ITGA1: variants seen among roughly 807,000 people sequenced by gnomAD.
The protein encoded by ITGA1 is integrin alpha-1.
ITGA1 carries 85 observed loss-of-function variants against 145.9 expected under a neutral mutation model. The observed-to-expected ratio is 0.58, with a 90% CI of 0.49 to 0.70. ITGA1 has a LOEUF of 0.70. Ranked by LOEUF, ITGA1 falls within the 30% of genes least tolerant of loss-of-function variation. ITGA1 has a pLI of 0.00. For missense variants in ITGA1, 1,351 were observed against 1,418.7 expected (o/e 0.95, Z 0.77); for synonymous variants, 520 against 495.3 (o/e 1.05, Z -0.66).
intron 9 of ITGA1, 57 bp from the exon 10 acceptor site, chr5:52,897,398 A>G: frequency 8.8e-7 from 1 of 1,133,068 alleles, no homozygotes; most frequent in Non-Finnish European, 1.3e-6. Flanking sequence ...TCTGCAAGTC[A>G]GTAGTGCATG....
intron 5 of ITGA1, 36 bp from the exon 6 acceptor site, chr5:52,865,654 G>C: frequency 7.1e-7 from 1 of 1,407,928 alleles, no homozygotes; most frequent in East Asian, 2.8e-5. Context: ...GAAAAAAATA[G>C]ATTCCAAATT....
chr5:52,888,580 G>A (rs1750091807), intron 8 of ITGA1, among the ~76,000 whole-genome samples: 1 of 152,178 alleles, frequency 6.6e-6, no homozygotes, highest in Admixed American at 6.5e-5. Context: ...GTTTTCTGAT[G>A]CAATTTATAA....
intron 16 of ITGA1, 138 bp downstream of exon 16, chr5:52,919,036 C>A: frequency 1.4e-6 from 1 of 701,408 alleles, no homozygotes; most frequent in Non-Finnish European, 2.2e-6. Flanking sequence ...AGATGCAGAA[C>A]CTTGAAAAAA....
At chr5:52,912,711 AGTGTGTGTGTGTGTGTGT>A (rs67318879) in intron 14 of ITGA1, among the ~76,000 whole-genome samples, 1 of 132,370 alleles carries the variant, frequency 7.6e-6, no homozygotes, top group Non-Finnish European at 1.6e-5. Flanking sequence ...CTATATATAT[AGTGTGTGTGTGTGTGTGT>A]GTGTGTGTGT....
intron 11 of ITGA1, among the ~76,000 whole-genome samples, chr5:52,901,430 G>T (rs1750312761): frequency 6.6e-6 from 1 of 152,170 alleles, no homozygotes; most frequent in South Asian, 2.1e-4. Flanking sequence ...TACAGCAGCA[G>T]TAGAAAACTC....
intron 1 of ITGA1, among the ~76,000 whole-genome samples, chr5:52,804,711 G>C (rs1407034690): frequency 6.6e-6 from 1 of 152,076 alleles, no homozygotes; most frequent in Non-Finnish European, 1.5e-5. Flanking sequence ...CATATGAAAC[G>C]GTCTGTACAT....
intron 6 of ITGA1, among the ~76,000 whole-genome samples, chr5:52,867,447 T>C (rs1749705484): frequency 6.6e-6 from 1 of 152,184 alleles, no homozygotes; most frequent in South Asian, 2.1e-4. Flanking sequence ...AGTGACTTAT[T>C]TGCAATTGAC....
intron 15 of ITGA1, 113 bp from the exon 16 acceptor site, chr5:52,918,619 C>T (rs1484633886): frequency 1.1e-6 from 1 of 898,248 alleles, no homozygotes; most frequent in African/African-American, 1.7e-5. Context: ...GTCCTGAGCG[C>T]TGTATTATAC....
At chr5:52,937,812 A>T (rs1484326382) in intron 24 of ITGA1, among the ~76,000 whole-genome samples, 1 of 151,816 alleles carries the variant, frequency 6.6e-6, no homozygotes, top group Non-Finnish European at 1.5e-5. Context: ...TCCAAGAGAG[A>T]CTCTTTCTCA....
At position 52,865,096 on chromosome 5, in the gene ITGA1, G is replaced by A. The variant is rs1191003764; in HGVS notation, c.496+14G>A. 6 of 1,569,478 alleles carry A rather than the reference G, an allele frequency of 3.8e-6. No individual in the cohort carries two copies. The highest frequency in any genetic ancestry group is 2.2e-5 in the East Asian group (1 of 44,660). On this transcript the variant is annotated intron_variant, in intron 5 of 28. Transcript: ENST00000282588. ...CCCCTGTACAAGGTACAGATTTTAT[G>A]CAATGTTCTTGCATGTTTGAAAAGC...
At chr5:52,874,775 GA>G in intron 6 of ITGA1, among the ~76,000 whole-genome samples, 1 of 152,252 alleles carries the variant, frequency 6.6e-6, no homozygotes, top group South Asian at 2.1e-4. Flanking sequence ...TTCCAATTTA[GA>G]AATGAGGTAA....
intron 1 of ITGA1, among the ~76,000 whole-genome samples, chr5:52,822,952 T>C (rs370462745): frequency 6.6e-6 from 1 of 152,306 alleles, no homozygotes; most frequent in East Asian, 1.9e-4. Flanking sequence ...GGACACTGTC[T>C]CATTAGATGG....
chr5:52,927,086 T>C (rs1264256271), intron 19 of ITGA1, among the ~76,000 whole-genome samples: 1 of 152,184 alleles, frequency 6.6e-6, no homozygotes, highest in Non-Finnish European at 1.5e-5. Flanking sequence ...ATAGAGTATA[T>C]GACTAAACCA....
At chr5:52,841,444 T>G (rs1030713435) in intron 1 of ITGA1, among the ~76,000 whole-genome samples, 1 of 152,192 alleles carries the variant, frequency 6.6e-6, no homozygotes, top group African/African-American at 2.4e-5. Context: ...CTTCTCAAGG[T>G]TATGGTGCTA....
rs1561229758 is a variant in ITGA1, at chr5:52,861,427, C to A, written c.183-20C>A. ...GTTTCTCAATGTTCAAAAATGTTTA[C>A]TGATTTATTTAACTTCCAGGGTGCT... is the stretch of plus-strand genomic sequence containing the variant. On this transcript the variant is annotated intron_variant, in intron 2 of 28. Coordinates refer to ENST00000282588, the MANE Select transcript of ITGA1 (RefSeq NM_181501.2). The A allele has an allele frequency of 6.8e-7, 1 of 1,465,124 alleles. No individual in the cohort carries two copies. The highest frequency in any genetic ancestry group is 9.5e-7 in the Non-Finnish European group (1 of 1,049,940). 90.8% of individuals were successfully genotyped at this position (1,465,124 alleles called of 1,614,324 possible). A position where few individuals can be genotyped will look rare whatever the true frequency, so the allele number is the denominator to read the frequency against.
chr5:52,823,336 C>G (rs1169207092), intron 1 of ITGA1, among the ~76,000 whole-genome samples: 1 of 152,190 alleles, frequency 6.6e-6, no homozygotes, highest in Non-Finnish European at 1.5e-5. Flanking sequence ...TCCCGAGTAG[C>G]TGGGATTATA....
At chr5:52,788,526 C>CT in intron 1 of ITGA1, 112 bp downstream of exon 1, 1 of 911,332 alleles carries the variant, frequency 1.1e-6, no homozygotes, top group Non-Finnish European at 1.5e-6. Flanking sequence ...CGCCCATCCA[C>CT]TTTCGGGCAT....
chr5:52,800,729 T>C, intron 1 of ITGA1: 6 of 1,614,220 alleles, frequency 3.7e-6, no homozygotes, highest in Non-Finnish European at 5.1e-6. Context: ...CAGTTCACCC[T>C]GGCCAAGAAG....
chr5:52,920,541 A>G, intron 17 of ITGA1, 73 bp downstream of exon 17: 1 of 1,193,546 alleles, frequency 8.4e-7, no homozygotes, highest in East Asian at 2.8e-5. Flanking sequence ...TTTCAAGTCA[A>G]TCAAATTCTT....
Sources: allele counts gnomAD v4.1 joint callset (sites outside exome capture counted in the v4.1 genomes callset), GRCh38; gene constraint gnomAD v4.1.1; transcripts MANE v1.5; gene names NCBI Gene and HGNC (gene_info 2026-07-23, HGNC 2026-07-21).